The following PCDHA6 variants were observed in gnomAD, a reference collection of about 807,000 sequenced individuals.
PCDHA6 encodes the protein protocadherin alpha 6.
A neutral mutation model predicts 60.3 loss-of-function variants in PCDHA6; 55 were observed. The ratio of observed to expected loss-of-function variants is 0.91; its 90% CI spans 0.73 to 1.14. PCDHA6 has a LOEUF of 1.14. Among genes scored for constraint, PCDHA6 ranks in the 50% most tolerant of loss-of-function variants. PCDHA6 has a pLI of 0.00. For missense variants in PCDHA6, 1,327 were observed against 1,256.5 expected (o/e 1.06, Z -0.85); for synonymous variants, 652 against 557.9 (o/e 1.17, Z -2.38).
At chr5:140,875,397 G>T in intron 1 of PCDHA6, 2 of 1,480,686 alleles carry the variant, frequency 1.4e-6, no homozygotes, top group South Asian at 1.4e-5. Flanking sequence ...AGAAAAGGGT[G>T]ACTGCTCATA....
chr5:140,996,196 A>G (rs2097716509), intron 3 of PCDHA6, among the ~76,000 whole-genome samples: 2 of 152,216 alleles, frequency 1.3e-5, no homozygotes, highest in South Asian at 2.1e-4. Context: ...TATACCCTCA[A>G]TGCAAGGATA....
rs181578390 is a variant in PCDHA6, at chr5:140,923,666, G to A, written c.2395-55283G>A. Among the ~76,000 whole-genome samples, 434 of 152,230 alleles carry A rather than the reference G, an allele frequency of 2.9e-3. 2 individuals are homozygous for A. Among genetic ancestry groups the A allele is most frequent in the Middle Eastern group, 0.014 (4 of 294 alleles). On this transcript the variant is annotated intron_variant, in intron 1 of 3. Coordinates refer to ENST00000529310, the MANE Select transcript of PCDHA6 (RefSeq NM_018909.4). ...TAGCCTCCCTTATCTTTGGGATATC[G>A]TTCTCTCTTAAATGTTGCTTTCTCA...
chr5:140,845,026 C>T (rs1193060489), intron 1 of PCDHA6, among the ~76,000 whole-genome samples: 2 of 149,188 alleles, frequency 1.3e-5, no homozygotes, highest in Non-Finnish European at 3.0e-5. Flanking sequence ...CATTTATGGG[C>T]ATATTTTAGC....
chr5:140,995,899 A>G (rs900121248), intron 3 of PCDHA6, among the ~76,000 whole-genome samples: 2 of 152,226 alleles, frequency 1.3e-5, no homozygotes, highest in Non-Finnish European at 2.9e-5. Context: ...ATCAATGTAT[A>G]AAAGAGGAGA....
chr5:140,983,005 AAAGG>A (rs1223217874), intron 3 of PCDHA6, among the ~76,000 whole-genome samples: 2 of 152,110 alleles, frequency 1.3e-5, no homozygotes, highest in African/African-American at 2.4e-5. Flanking sequence ...AAAGAAAGAA[AAAGG>A]AAGGAAGGAA....
chr5:140,925,668 A>G (rs1215540778), intron 1 of PCDHA6, among the ~76,000 whole-genome samples: 1 of 149,482 alleles, frequency 6.7e-6, no homozygotes, highest in Admixed American at 6.7e-5. Context: ...TAATAATAAT[A>G]ATAATAATAA....
chr5:140,839,326 C>T (rs1338005685), intron 1 of PCDHA6, among the ~76,000 whole-genome samples: 1 of 151,830 alleles, frequency 6.6e-6, no homozygotes, highest in Non-Finnish European at 1.5e-5. Context: ...TTGGGAAATA[C>T]CTGAAGTTGA....
At chr5:140,915,694 G>A (rs2077262169) in intron 1 of PCDHA6, among the ~76,000 whole-genome samples, 1 of 151,538 alleles carries the variant, frequency 6.6e-6, no homozygotes, top group African/African-American at 2.4e-5. Flanking sequence ...GTATGGTGAT[G>A]CAAGCACTCC....
intron 1 of PCDHA6, chr5:140,869,639 C>T: frequency 6.2e-7 from 1 of 1,613,534 alleles, no homozygotes; most frequent in Non-Finnish European, 8.5e-7. Context: ...GAGTATTTTT[C>T]TTTAGATTCA....
At chr5:140,939,973 A>G (rs782675791) in intron 1 of PCDHA6, among the ~76,000 whole-genome samples, 4 of 152,234 alleles carry the variant, frequency 2.6e-5, no homozygotes, top group Non-Finnish European at 4.4e-5. Flanking sequence ...TCCACGATGA[A>G]TAGTGAATTG....
chr5:140,989,874 A>C (rs1328387054), intron 3 of PCDHA6, among the ~76,000 whole-genome samples: 1 of 152,098 alleles, frequency 6.6e-6, no homozygotes, highest in Admixed American at 6.6e-5. Context: ...TCTCTGCCTC[A>C]GCACTTGGAG....
At position 140,870,817 on chromosome 5, in the gene PCDHA6, G is replaced by C. The variant is rs782095168; in HGVS notation, c.2394+40332G>C. On this transcript the variant is annotated intron_variant, in intron 1 of 3. Coordinates refer to ENST00000529310, the MANE Select transcript of PCDHA6 (RefSeq NM_018909.4). ...ACTGCTGGCGACTCAGGCTGGCAGCGCGGGAGGCGCAGTTAACAAGCTAGT... is the reference window on the plus strand; with the variant it reads ...ACTGCTGGCGACTCAGGCTGGCAGCCCGGGAGGCGCAGTTAACAAGCTAGT... The C allele has an allele frequency of 9.9e-6, 16 of 1,613,726 alleles. No individual in the cohort carries two copies. In the South Asian group the frequency reaches 1.3e-4, roughly 13 times the overall value.
rs1554206132 is a variant in PCDHA6, at chr5:140,928,678, C to A, written c.2395-50271C>A. 3.1e-6 allele frequency: 5 copies of A among 1,614,192 alleles called. No individual in the cohort carries two copies. The East Asian group carries it at 1.1e-4, about 36-fold the overall frequency. ...TGCTGACAGTGGTTCTAATGCCTGGCTTTCCTACCACATCTCCCGGGCGTC... is the reference window on the plus strand; with the variant it reads ...TGCTGACAGTGGTTCTAATGCCTGGATTTCCTACCACATCTCCCGGGCGTC... On this transcript the variant is annotated intron_variant, in intron 1 of 3. Coordinates refer to ENST00000529310, the MANE Select transcript of PCDHA6 (RefSeq NM_018909.4).
intron 2 of PCDHA6, among the ~76,000 whole-genome samples, chr5:140,979,795 A>G (rs781835728): frequency 6.6e-6 from 1 of 152,264 alleles, no homozygotes. Flanking sequence ...GAAACAAATG[A>G]TCACAACTAT....
chr5:140,895,647 C>T (rs954657912), intron 1 of PCDHA6, among the ~76,000 whole-genome samples: 1 of 151,996 alleles, frequency 6.6e-6, no homozygotes, highest in African/African-American at 2.4e-5. Context: ...TTTTTAGCTC[C>T]CACTTATAAG....
chr5:140,922,434 C>T (rs1167616099), intron 1 of PCDHA6, among the ~76,000 whole-genome samples: 1 of 152,180 alleles, frequency 6.6e-6, no homozygotes, highest in Admixed American at 6.5e-5. Flanking sequence ...GAGGGCAGAA[C>T]TCTCTCATTA....
chr5:140,839,663 T>C (rs1477931034), intron 1 of PCDHA6, among the ~76,000 whole-genome samples: 1 of 152,084 alleles, frequency 6.6e-6, no homozygotes, highest in East Asian at 1.9e-4. Context: ...TTTGCTACTA[T>C]TTAGAGTCAA....
At chr5:140,846,469 G>T (rs1554141344) in intron 1 of PCDHA6, among the ~76,000 whole-genome samples, 1 of 143,096 alleles carries the variant, frequency 7.0e-6, no homozygotes, top group Non-Finnish European at 1.5e-5. Flanking sequence ...CTGCCTCCCG[G>T]GTTCAAATGA....
intron 1 of PCDHA6, among the ~76,000 whole-genome samples, chr5:140,949,698 T>G (rs188313112): frequency 6.6e-6 from 1 of 151,984 alleles, no homozygotes; most frequent in African/African-American, 2.4e-5. Flanking sequence ...TTGTTGGATC[T>G]TGCTGTTTTA....
Sources: gnomAD v4.1 joint callset for allele counts (sites outside exome capture counted in the v4.1 genomes callset) on GRCh38, gnomAD v4.1.1 for gene constraint, MANE v1.5 for transcripts, NCBI Gene and HGNC (gene_info 2026-07-23, HGNC 2026-07-21) for gene names.